Variants in RARB observed in about 807,000 individuals in gnomAD.
The protein encoded by RARB is retinoic acid receptor beta.
RARB carries 17 observed loss-of-function variants against 51.9 expected under a neutral mutation model. The observed-to-expected ratio is 0.33, with a 90% CI of 0.22 to 0.49. The LOEUF (loss-of-function observed/expected upper bound fraction) is 0.49. Among genes scored for constraint, RARB ranks in the 20% least tolerant of loss-of-function variants. RARB has a pLI of 0.99. For missense variants in RARB, 369 were observed against 550.8 expected, an observed-to-expected ratio of 0.67 and a Z score of 3.30; for synonymous variants, 215 against 195.4, an observed-to-expected ratio of 1.10 and a Z score of -0.84.
intron 3 of RARB, among the ~76,000 whole-genome samples, chr3:25,520,577 A>G (rs914180974): frequency 6.6e-6 from 1 of 152,238 alleles, no homozygotes; most frequent in Non-Finnish European, 1.5e-5. Context: ...TAAAATAAGT[A>G]GCGACTGTGA....
At chr3:25,494,253 G>GCACGTGCGCGCACTCACACACACA (rs1553623182) in intron 2 of RARB, among the ~76,000 whole-genome samples, 3 of 131,968 alleles carry the variant, frequency 2.3e-5, no homozygotes, top group Admixed American at 7.4e-5. Flanking sequence ...TGTATCTTAC[G>GCACGTGCGCGCACTCACACACACA]CACACACACA....
At chr3:25,577,902 C>T (rs1034832909) in intron 4 of RARB, among the ~76,000 whole-genome samples, 1 of 152,240 alleles carries the variant, frequency 6.6e-6, no homozygotes, top group Non-Finnish European at 1.5e-5. Flanking sequence ...CCTGGGGAGG[C>T]GCTGCAGCTC....
At chr3:25,445,387 C>T (rs553364988) in intron 1 of RARB, among the ~76,000 whole-genome samples, 5 of 152,158 alleles carry the variant, frequency 3.3e-5, no homozygotes, top group Non-Finnish European at 7.4e-5. Context: ...AAGAGCAGTC[C>T]GGACGCATAG....
chr3:25,580,089 A>T (rs1701105242), intron 4 of RARB, among the ~76,000 whole-genome samples: 1 of 152,234 alleles, frequency 6.6e-6, no homozygotes, highest in Admixed American at 6.5e-5. Context: ...AAAAGGATGA[A>T]TCCGACCGGA....
chr3:25,209,125 C>T (rs1294081684), intron 5 of RARB, among the ~76,000 whole-genome samples: 1 of 152,228 alleles, frequency 6.6e-6, no homozygotes, highest in East Asian at 1.9e-4. Flanking sequence ...GTCCACAGAC[C>T]ACAGTTTAGT....
chr3:25,415,475 C>A (rs1408201662), intron 5 of RARB, among the ~76,000 whole-genome samples: 1 of 151,960 alleles, frequency 6.6e-6, no homozygotes, highest in East Asian at 1.9e-4. Flanking sequence ...TATATTTTTC[C>A]TGGTATAAAT....
intron 5 of RARB, among the ~76,000 whole-genome samples, chr3:25,284,214 C>G (rs1390470382): frequency 1.3e-5 from 2 of 152,110 alleles, no homozygotes; most frequent in Non-Finnish European, 2.9e-5. Flanking sequence ...AAAGAAACAG[C>G]TTGGACTTGA....
In RARB at chr3:25,359,775, T is replaced by C. The variant is rs974226947; in HGVS notation, c.179-101418T>C. 3.5e-4 allele frequency among the ~76,000 whole-genome samples: 54 copies of C among 152,206 alleles called. 1 individual carries two copies. The highest frequency in any genetic ancestry group is 4.1e-4 in the Non-Finnish European group (28 of 68,030). On this transcript the variant is annotated intron_variant, in intron 5 of 11. Transcript: ENST00000383772. ...AGCAGGTTGTTCAGTTTCCATGTTGTTATGAGGTTTTGAGTGAGTTTCTTA... is the reference window on the plus strand; with the variant it reads ...AGCAGGTTGTTCAGTTTCCATGTTGCTATGAGGTTTTGAGTGAGTTTCTTA...
intron 2 of RARB, among the ~76,000 whole-genome samples, chr3:24,997,953 G>A (rs1314855041): frequency 6.6e-6 from 1 of 151,940 alleles, no homozygotes. Flanking sequence ...TTACAATAAA[G>A]TATTTCTTTT....
At chr3:25,414,677 G>C (rs1426035548) in intron 5 of RARB, among the ~76,000 whole-genome samples, 2 of 152,104 alleles carry the variant, frequency 1.3e-5, no homozygotes, top group Non-Finnish European at 2.9e-5. Flanking sequence ...AACTAATGAT[G>C]TTCAGCATTG....
At chr3:25,527,871 G>A (rs562935677) in intron 3 of RARB, among the ~76,000 whole-genome samples, 15 of 152,076 alleles carry the variant, frequency 9.9e-5, no homozygotes, top group East Asian at 3.9e-4. Context: ...CCTCCCCTTC[G>A]CCCCCCACAG....
intron 5 of RARB, among the ~76,000 whole-genome samples, chr3:25,384,748 C>G (rs550577608): frequency 3.3e-5 from 5 of 152,128 alleles, no homozygotes; most frequent in Non-Finnish European, 5.9e-5. Context: ...CAGTTGTCTA[C>G]GAACATACTC....
chr3:25,196,995 A>C (rs1231703110), intron 5 of RARB, among the ~76,000 whole-genome samples: 1 of 151,916 alleles, frequency 6.6e-6, no homozygotes, highest in Non-Finnish European at 1.5e-5. Flanking sequence ...AGATTGCAAA[A>C]ATTTTCTCCC....
chr3:25,157,331 CA>C (rs1208823734), intron 4 of RARB, among the ~76,000 whole-genome samples: 5 of 141,482 alleles, frequency 3.5e-5, no homozygotes, highest in African/African-American at 1.4e-4. Flanking sequence ...GTGCGAGGCA[CA>C]GTTCTGAGTG....
intron 2 of RARB, among the ~76,000 whole-genome samples, chr3:24,955,139 G>A (rs1695982130): frequency 6.6e-6 from 1 of 152,124 alleles, no homozygotes; most frequent in South Asian, 2.1e-4. Flanking sequence ...TTAAGTGGAG[G>A]ATTTTATGAA....
chr3:24,936,687 G>C (rs1695554921), intron 2 of RARB, among the ~76,000 whole-genome samples: 1 of 152,194 alleles, frequency 6.6e-6, no homozygotes, highest in African/African-American at 2.4e-5. Flanking sequence ...TGCTTTTAAA[G>C]CCAGGCAGAA....
At chr3:25,106,459 T>TGTG in intron 3 of RARB, among the ~76,000 whole-genome samples, 1 of 90,908 alleles carries the variant, frequency 1.1e-5, no homozygotes, top group South Asian at 3.5e-4. Context: ...TTGTTTTTTG[T>TGTG]TTTTTTTTGT....
At chr3:25,291,476 CT>C (rs199605013) in intron 5 of RARB, among the ~76,000 whole-genome samples, 19,255 of 125,228 alleles carry the variant, frequency 0.15, 1,641 homozygotes, top group African/African-American at 0.31. Context: ...CAGATGTTTG[CT>C]TTTTTTTTTT....
At chr3:25,519,551 TTTA>T (rs1333857637) in intron 3 of RARB, among the ~76,000 whole-genome samples, 5 of 152,246 alleles carry the variant, frequency 3.3e-5, no homozygotes, top group Non-Finnish European at 7.4e-5. Flanking sequence ...TAATAAAAAA[TTTA>T]TTAAGTTAGA....
Sources: allele counts gnomAD v4.1 joint callset (sites outside exome capture counted in the v4.1 genomes callset), GRCh38; gene constraint gnomAD v4.1.1; transcripts MANE v1.5; gene names NCBI Gene and HGNC (gene_info 2026-07-23, HGNC 2026-07-21).